Variants in SEZ6L2 observed in about 807,000 individuals in gnomAD.
SEZ6L2 encodes the protein seizure related 6 homolog like 2.
In SEZ6L2, 44 loss-of-function variants were observed where a neutral mutation model predicts 97.0. The observed-to-expected ratio is 0.45, with a 90% CI of 0.36 to 0.58. SEZ6L2 has a LOEUF of 0.58. SEZ6L2 is among the 20% of genes least tolerant of loss of function. The probability of loss-of-function intolerance (pLI) is 0.00; values close to 1 mark genes in which losing one functional copy is unlikely to be tolerated. For synonymous variants in SEZ6L2, 543 were observed against 546.1 expected, an observed-to-expected ratio of 0.99 and a Z score of 0.08; for missense variants, 1,086 against 1,233.3, an observed-to-expected ratio of 0.88 and a Z score of 1.79.
intron 8 of SEZ6L2, 86 bp from the exon 9 acceptor site, chr16:29,880,150 TC>T: frequency 7.6e-7 from 1 of 1,316,492 alleles, no homozygotes; most frequent in Non-Finnish European, 1.0e-6. Flanking sequence ...ATTGGGGTGT[TC>T]TTTGGCCACT....
chr16:29,896,740 G>A, intron 3 of SEZ6L2, 82 bp downstream of exon 3: 1 of 1,279,522 alleles, frequency 7.8e-7, no homozygotes, highest in South Asian at 1.3e-5. Flanking sequence ...TCCTTCCACA[G>A]TTCCCAGCAG....
At position 29,895,826 on chromosome 16, in the gene SEZ6L2, C is replaced by A; in HGVS notation, c.546G>T (p.Gly182=). 15 of 1,613,912 alleles carry A rather than the reference C, an allele frequency of 9.3e-6. No individual in the cohort carries two copies. Among genetic ancestry groups the A allele is most frequent in the Non-Finnish European group, 1.3e-5 (15 of 1,179,922 alleles). Residue 182 remains glycine, a synonymous_variant, in exon 4 of 18, where the codon GGG becomes GGT. Coordinates refer to ENST00000617533, the MANE Select transcript of SEZ6L2 (RefSeq NM_001243332.2). The stretch of plus-strand genomic sequence containing the variant: ...TCCCCAGATCTGGAGACTCCACATA[C>A]CCTTCGCCCTCGGAGATGTTGTTAT... ...LCNNNISEGE[G]YVESPDLGSP...
Position 29,896,739 on chromosome 16 carries a change from A to G in SEZ6L2, c.511+83T>C. On this transcript the variant is annotated intron_variant, in intron 3 of 17. Transcript: ENST00000617533. Reference sequence around the variant, plus strand: ...CATCTGTACCCAGGACTCCTTCCACAGTTCCCAGCAGCCTCTCTCCCATCC... The same window carrying G: ...CATCTGTACCCAGGACTCCTTCCACGGTTCCCAGCAGCCTCTCTCCCATCC... 3.2e-6 allele frequency: 4 copies of G among 1,244,536 alleles called. 1 individual carries two copies. Among genetic ancestry groups the G allele is most frequent in the Non-Finnish European group, 4.6e-6 (4 of 868,556 alleles). The allele number at this position is 1,244,536 out of a possible 1,614,324, so 77.1% of individuals were successfully genotyped here. A position where few individuals can be genotyped will look rare whatever the true frequency, so the allele number is the denominator to read the frequency against.
In SEZ6L2 at chr16:29,877,325, G is replaced by A. The variant is rs748003289; in HGVS notation, c.1855C>T (p.Pro619Ser). Residue 619 changes from proline to serine, a missense_variant, in exon 11 of 18, where the codon CCG (proline) becomes TCG (serine). This residue lies in a region of SEZ6L2 where 310 missense variants were observed against 438.6 expected (regional missense o/e 0.71). Transcript: ENST00000617533. The part of the protein sequence containing the change: ...GPDLTLQFQA[P>S]PGPPNPGLGQ... Reference sequence around the variant, plus strand: ...AGGCCTGGATTTGGGGGCCCGGGCGGTGCCTGAAACTGCAGTGTGAGGTCG... The same window carrying A: ...AGGCCTGGATTTGGGGGCCCGGGCGATGCCTGAAACTGCAGTGTGAGGTCG... The A allele has an allele frequency of 4.3e-5, 69 of 1,612,620 alleles. No individual in the cohort carries two copies. Among genetic ancestry groups the A allele is most frequent in the Non-Finnish European group, 5.7e-5 (67 of 1,179,378 alleles).
intron 9 of SEZ6L2, among the ~76,000 whole-genome samples, chr16:29,879,526 T>C (rs1269148592): frequency 6.6e-6 from 1 of 152,176 alleles, no homozygotes; most frequent in Non-Finnish European, 1.5e-5. Context: ...TGCCCAGCCA[T>C]GATCTACCTG....
chr16:29,884,006 C>T (rs980406434), intron 8 of SEZ6L2, among the ~76,000 whole-genome samples: 2 of 152,140 alleles, frequency 1.3e-5, no homozygotes, highest in Non-Finnish European at 2.9e-5. Flanking sequence ...TCCATGATCA[C>T]TTCCTTGTTT....
chr16:29,880,610 C>G (rs58754447), intron 8 of SEZ6L2, among the ~76,000 whole-genome samples: 1 of 147,308 alleles, frequency 6.8e-6, no homozygotes, highest in Admixed American at 6.7e-5. Context: ...CATGAGCCAC[C>G]GTGCCTGGCC....
intron 17 of SEZ6L2, 123 bp from the exon 18 acceptor site, chr16:29,871,851 C>A: frequency 2.3e-6 from 2 of 852,914 alleles, no homozygotes; most frequent in Non-Finnish European, 2.0e-6. Context: ...GCTGGGGGGC[C>A]AGTGAATGTG....
intron 9 of SEZ6L2, 46 bp downstream of exon 9, chr16:29,879,818 G>A (rs1005010186): frequency 3.3e-6 from 5 of 1,514,496 alleles, no homozygotes; most frequent in Non-Finnish European, 2.7e-6. Flanking sequence ...CCCAGTTCAG[G>A]GGGCAACGTG....
intron 9 of SEZ6L2, 61 bp from the exon 10 acceptor site, chr16:29,878,486 C>T (rs1335284107): frequency 2.5e-5 from 37 of 1,483,742 alleles, no homozygotes; most frequent in Non-Finnish European, 3.0e-5. Flanking sequence ...CATTTCTCCA[C>T]AGTCCTCACC....
chr16:29,871,962 A>G (rs2067792244), intron 17 of SEZ6L2, among the ~76,000 whole-genome samples: 1 of 152,128 alleles, frequency 6.6e-6, no homozygotes, highest in Admixed American at 6.6e-5. Context: ...AGTTTCGACT[A>G]TGGGGTAGAG....
chr16:29,882,736 C>T (rs527306136), intron 8 of SEZ6L2, among the ~76,000 whole-genome samples: 24 of 152,156 alleles, frequency 1.6e-4, no homozygotes, highest in African/African-American at 5.5e-4. Context: ...CACAAGTGTG[C>T]ACCACCACAC....
At chr16:29,894,608 C>A (rs1339434791) in intron 5 of SEZ6L2, among the ~76,000 whole-genome samples, 2 of 152,142 alleles carry the variant, frequency 1.3e-5, no homozygotes, top group Non-Finnish European at 2.9e-5. Context: ...CCTGATTACT[C>A]ATCTGTCTTC....
At chr16:29,888,900 C>T (rs1410885503) in intron 5 of SEZ6L2, among the ~76,000 whole-genome samples, 175 bp from the exon 6 acceptor site, 3 of 151,804 alleles carry the variant, frequency 2.0e-5, no homozygotes, top group Non-Finnish European at 2.9e-5. Flanking sequence ...CCTTGCCTCG[C>T]GAACAGGAAA....
chr16:29,878,456 C>T (rs2067957257), intron 9 of SEZ6L2, 31 bp from the exon 10 acceptor site: 1 of 1,562,782 alleles, frequency 6.4e-7, no homozygotes, highest in Non-Finnish European at 8.7e-7. Context: ...GGTTCAGGAC[C>T]CAGGTGGGCA....
chr16:29,879,586 T>A (rs1185229870), intron 9 of SEZ6L2, among the ~76,000 whole-genome samples: 1 of 152,182 alleles, frequency 6.6e-6, no homozygotes, highest in African/African-American at 2.4e-5. Context: ...GTCCTGCTCT[T>A]AACAAACCCT....
rs2067997471 is a variant in SEZ6L2 at position 29,880,026 on chromosome 16, G to A, written c.1411C>T (p.His471Tyr). 3 of 1,614,104 alleles carry A rather than the reference G, an allele frequency of 1.9e-6. No individual in the cohort carries two copies. The African/African-American group carries it at 4.0e-5, about 22-fold the overall frequency. The stretch of plus-strand genomic sequence containing the variant: ...GGGTCCGTGGTAGTGACATTTCCAT[G>A]TGCCAGGAAGGGGGCGAAGCAGCGA... ...EDRCFAPFLA[H>Y]GNVTTTDPEY... The change falls in exon 9 of 18, where the codon CAT (histidine) becomes TAT (tyrosine). Residue 471 changes from histidine to tyrosine, a missense_variant. Around this residue, in one of 2 missense-constraint regions of SEZ6L2, gnomAD observed 776 missense variants for 794.7 expected, o/e 0.98. Transcript: ENST00000617533.
At chr16:29,880,500 T>C (rs1330812352) in intron 8 of SEZ6L2, among the ~76,000 whole-genome samples, 3 of 152,126 alleles carry the variant, frequency 2.0e-5, no homozygotes, top group East Asian at 1.9e-4. Flanking sequence ...TTTGTATTTT[T>C]AGTAGAGACG....
Position 29,873,860 on chromosome 16 carries a change from G to C in SEZ6L2, c.2105-131C>G. 2.5e-6 allele frequency: 2 copies of C among 804,656 alleles called. No homozygotes were observed. Among genetic ancestry groups the C allele is most frequent in the Non-Finnish European group, 3.8e-6 (2 of 525,420 alleles). The allele number at this position is 804,656 out of a possible 1,614,324, so 49.8% of individuals were successfully genotyped here. A position where few individuals can be genotyped will look rare whatever the true frequency, so the allele number is the denominator to read the frequency against. The stretch of plus-strand genomic sequence containing the variant: ...GTGGTGGCGCACTCCTGTGGTTCCA[G>C]CTACTCAGGAGTTGGAGGCGGGATG... On this transcript the variant is annotated intron_variant, in intron 12 of 17. Coordinates refer to ENST00000617533, the MANE Select transcript of SEZ6L2 (RefSeq NM_001243332.2). The surrounding 1 kb of genome is among the most constrained non-coding windows in gnomAD (Gnocchi z 4.3).
Sources: allele counts gnomAD v4.1 joint callset (sites outside exome capture counted in the v4.1 genomes callset), GRCh38; gene constraint gnomAD v4.1.1; regional missense constraint gnomAD v4.1.1; non-coding constraint Gnocchi (gnomAD v3.1); transcripts MANE v1.5; gene names NCBI Gene and HGNC (gene_info 2026-07-23, HGNC 2026-07-21).